Variants in SIPA1L2 observed in about 807,000 individuals in gnomAD.
SIPA1L2 encodes signal induced proliferation associated 1 like 2.
SIPA1L2 carries 56 observed loss-of-function variants against 163.9 expected under a neutral mutation model. The observed-to-expected ratio is 0.34, with a 90% CI of 0.28 to 0.43. The LOEUF (loss-of-function observed/expected upper bound fraction) is 0.43, where lower values mean the gene tolerates loss of function less well. Among genes scored for constraint, SIPA1L2 ranks in the 20% least tolerant of loss-of-function variants. The probability of loss-of-function intolerance (pLI) is 1.00; values close to 1 mark genes in which losing one functional copy is unlikely to be tolerated. For missense variants in SIPA1L2, 1,974 were observed against 2,193.5 expected, an observed-to-expected ratio of 0.90 and a Z score of 2.00; for synonymous variants, 877 against 865.7, an observed-to-expected ratio of 1.01 and a Z score of -0.23.
At chr1:232,617,822 T>C (rs1009153891) in intron 1 of SIPA1L2, among the ~76,000 whole-genome samples, 1 of 152,258 alleles carries the variant, frequency 6.6e-6, no homozygotes, top group Non-Finnish European at 1.5e-5. Flanking sequence ...TTAAGATTTG[T>C]GCATTTCACT....
intron 2 of SIPA1L2, among the ~76,000 whole-genome samples, chr1:232,573,027 C>T (rs980413401): frequency 3.3e-5 from 5 of 151,722 alleles, no homozygotes; most frequent in African/African-American, 7.3e-5. Context: ...GTGATCCGTC[C>T]GCCTCGGCCT....
intron 2 of SIPA1L2, among the ~76,000 whole-genome samples, chr1:232,537,681 T>C (rs572750761): frequency 5.6e-4 from 86 of 152,324 alleles, no homozygotes; most frequent in African/African-American, 2.0e-3. Flanking sequence ...CTCTACTTAC[T>C]AGACCATGTG....
intron 1 of SIPA1L2, among the ~76,000 whole-genome samples, chr1:232,597,011 C>T (rs190828297): frequency 4.3e-4 from 65 of 152,308 alleles, no homozygotes; most frequent in East Asian, 3.7e-3. Context: ...TGGCCTCCAA[C>T]CTTGCCTCTA....
At chr1:232,607,140 T>G (rs1238574989) in intron 1 of SIPA1L2, among the ~76,000 whole-genome samples, 1 of 152,158 alleles carries the variant, frequency 6.6e-6, no homozygotes, top group African/African-American at 2.4e-5. Flanking sequence ...ATATGTTCAT[T>G]TTAGAAAAGC....
In SIPA1L2 at chr1:232,629,908, C is replaced by A. The variant is rs1182367357; in HGVS notation, c.-358G>T. Among the ~76,000 whole-genome samples, 2 of 151,406 alleles carry A rather than the reference C, an allele frequency of 1.3e-5. No homozygotes were observed. The highest frequency in any genetic ancestry group is 3.9e-4 in the East Asian group (2 of 5,126). ...CCGCCGGAACCTGCTACAGCCTGTGCGCGCCGGGCGGCGCGTACCCGGGCT... is the reference window on the plus strand; with the variant it reads ...CCGCCGGAACCTGCTACAGCCTGTGAGCGCCGGGCGGCGCGTACCCGGGCT... On this transcript the variant is annotated 5_prime_UTR_variant, in exon 1 of 23. Transcript: ENST00000674635.
chr1:232,532,174 G>A (rs1257276409), intron 2 of SIPA1L2, among the ~76,000 whole-genome samples: 1 of 152,294 alleles, frequency 6.6e-6, no homozygotes, highest in South Asian at 2.1e-4. Flanking sequence ...CCAAGTGGCA[G>A]CAGTACAGAT....
chr1:232,495,421 C>T (rs921663880), intron 3 of SIPA1L2, among the ~76,000 whole-genome samples: 1 of 151,898 alleles, frequency 6.6e-6, no homozygotes, highest in Non-Finnish European at 1.5e-5. Flanking sequence ...AAAAATTAGC[C>T]AGGTGTGGTG....
At chr1:232,546,956 G>A (rs114225129) in intron 2 of SIPA1L2, among the ~76,000 whole-genome samples, 1,569 of 152,190 alleles carry the variant, frequency 0.01, 19 homozygotes, top group Non-Finnish European at 0.016. Flanking sequence ...TAGAAGGAGC[G>A]GCTGGCAAAA....
intron 5 of SIPA1L2, among the ~76,000 whole-genome samples, chr1:232,486,102 A>G (rs1027082774): frequency 6.6e-6 from 1 of 152,178 alleles, no homozygotes; most frequent in Non-Finnish European, 1.5e-5. Context: ...CTGCTCTGGC[A>G]TCTGCAAGAG....
At chr1:232,457,264 G>T (rs773828084) in intron 10 of SIPA1L2, among the ~76,000 whole-genome samples, 3 of 152,168 alleles carry the variant, frequency 2.0e-5, no homozygotes, top group Non-Finnish European at 4.4e-5. Flanking sequence ...TAAATGACAG[G>T]CCACTCATGC....
At position 232,514,937 on chromosome 1, in the gene SIPA1L2, C is replaced by G. The variant is rs779583701; in HGVS notation, c.403G>C (p.Val135Leu). ...QQDEQLDLDF[V>L]EAKYTIGDIF... ...TCTCCGATTGTGTACTTGGCCTCCA[C>G]GAAGTCCAGATCGAGCTGTTCATCT... The change falls in exon 3 of 23, where the codon GTG becomes CTG. Residue 135 changes from valine to leucine, a missense_variant. By Grantham distance (32) the Val-to-Leu change is conservative. Coordinates refer to ENST00000674635, the MANE Select transcript of SIPA1L2 (RefSeq NM_020808.5). 1.9e-6 allele frequency: 3 copies of G among 1,613,948 alleles called. No homozygotes were observed. Among genetic ancestry groups the G allele is most frequent in the Non-Finnish European group, 2.5e-6 (3 of 1,179,988 alleles).
At chr1:232,460,854 G>A (rs777195969) in intron 10 of SIPA1L2, 33 bp downstream of exon 10, 9 of 1,599,018 alleles carry the variant, frequency 5.6e-6, no homozygotes, top group Middle Eastern at 1.7e-4. Context: ...GGCAAAGGAG[G>A]AGTGAGCATT....
At chr1:232,420,716 T>C (rs1558161635) in intron 18 of SIPA1L2, among the ~76,000 whole-genome samples, 1 of 152,086 alleles carries the variant, frequency 6.6e-6, no homozygotes, top group African/African-American at 2.4e-5. Flanking sequence ...ATGCCTGTAG[T>C]CCCAGCTACT....
chr1:232,625,155 A>G (rs1663007579), intron 1 of SIPA1L2, among the ~76,000 whole-genome samples: 1 of 152,222 alleles, frequency 6.6e-6, no homozygotes. Flanking sequence ...CCATGTGGAA[A>G]GGTGGAGCTA....
At chr1:232,519,588 T>C (rs1667372152) in intron 2 of SIPA1L2, among the ~76,000 whole-genome samples, 1 of 152,164 alleles carries the variant, frequency 6.6e-6, no homozygotes, top group Non-Finnish European at 1.5e-5. Flanking sequence ...CACCTGTCCT[T>C]CCCCCTCTGT....
chr1:232,420,267 G>A (rs941415711), intron 18 of SIPA1L2, among the ~76,000 whole-genome samples: 54 of 151,980 alleles, frequency 3.6e-4, no homozygotes, highest in African/African-American at 9.7e-4. Context: ...TGGCTGCAGC[G>A]AGCCAAGATC....
At chr1:232,587,276 T>C (rs1660717368) in intron 1 of SIPA1L2, among the ~76,000 whole-genome samples, 1 of 152,116 alleles carries the variant, frequency 6.6e-6, no homozygotes, top group Non-Finnish European at 1.5e-5. Flanking sequence ...AGTGCCACAC[T>C]CCAGGAACTC....
intron 2 of SIPA1L2, among the ~76,000 whole-genome samples, chr1:232,569,385 C>T (rs897358262): frequency 1.3e-5 from 2 of 152,210 alleles, no homozygotes; most frequent in African/African-American, 4.8e-5. Flanking sequence ...CAACCCAATC[C>T]TGGCAAGAGA....
At chr1:232,606,610 T>A (rs1661935209) in intron 1 of SIPA1L2, among the ~76,000 whole-genome samples, 1 of 149,386 alleles carries the variant, frequency 6.7e-6, no homozygotes, top group Admixed American at 6.7e-5. Context: ...ACCAATGAAT[T>A]ATATTATTCA....
Sources: gnomAD v4.1 joint callset for allele counts (sites outside exome capture counted in the v4.1 genomes callset) on GRCh38, gnomAD v4.1.1 for gene constraint, MANE v1.5 for transcripts, NCBI Gene and HGNC (gene_info 2026-07-23, HGNC 2026-07-21) for gene names.